Variants in NCOA7 observed in about 807,000 individuals in gnomAD.
NCOA7 encodes the protein 140 kDa estrogen receptor-associated protein.
In NCOA7, 45 loss-of-function variants were observed where a neutral mutation model predicts 104.3. That is an observed-to-expected ratio of 0.43 (90% confidence interval 0.34 to 0.55). The LOEUF is 0.55. NCOA7 is among the 20% of genes least tolerant of loss of function. NCOA7 has a pLI of 0.02. For missense variants in NCOA7, 1,041 were observed against 1,119.7 expected, an observed-to-expected ratio of 0.93 and a Z score of 1.00; for synonymous variants, 398 against 402.3, an observed-to-expected ratio of 0.99 and a Z score of 0.13.
intron 1 of NCOA7, among the ~76,000 whole-genome samples, chr6:125,804,363 A>G (rs1776212658): frequency 6.6e-6 from 1 of 152,180 alleles, no homozygotes; most frequent in African/African-American, 2.4e-5. Context: ...GCCACAGCAT[A>G]GTAGGGGGTA....
chr6:125,857,446 T>C (rs528473810), intron 3 of NCOA7, among the ~76,000 whole-genome samples: 3 of 151,906 alleles, frequency 2.0e-5, no homozygotes, highest in South Asian at 4.2e-4. Flanking sequence ...TATATATTTT[T>C]TTTTTTAAGA....
At chr6:125,860,719 T>C (rs1033200301) in intron 3 of NCOA7, among the ~76,000 whole-genome samples, 1 of 152,222 alleles carries the variant, frequency 6.6e-6, no homozygotes, top group Non-Finnish European at 1.5e-5. Flanking sequence ...CTTCTAAGAA[T>C]ATGGAGATAG....
intron 4 of NCOA7, among the ~76,000 whole-genome samples, chr6:125,876,315 A>G (rs561212036): frequency 5.1e-4 from 78 of 152,194 alleles, no homozygotes; most frequent in Non-Finnish European, 8.2e-4. Context: ...GTGTATAAGC[A>G]TAGTCATTTT....
chr6:125,800,333 A>G (rs1051308137), intron 1 of NCOA7, among the ~76,000 whole-genome samples: 3 of 152,270 alleles, frequency 2.0e-5, no homozygotes, highest in African/African-American at 4.8e-5. Context: ...ATGAAGGTAC[A>G]GAAAGAAATT....
intron 2 of NCOA7, among the ~76,000 whole-genome samples, chr6:125,822,497 C>A (rs187151060): frequency 1.3e-5 from 2 of 152,264 alleles, no homozygotes; most frequent in East Asian, 3.9e-4. Context: ...ATAACTTACC[C>A]CAAATCACTT....
At chr6:125,781,578 G>C (rs548965431) in intron 1 of NCOA7, among the ~76,000 whole-genome samples, 3 of 152,208 alleles carry the variant, frequency 2.0e-5, no homozygotes, top group African/African-American at 7.2e-5. Flanking sequence ...CCTATCCCAA[G>C]GAATCTTAGA....
chr6:125,784,971 G>T (rs1202453806), intron 1 of NCOA7, among the ~76,000 whole-genome samples: 1 of 147,948 alleles, frequency 6.8e-6, no homozygotes, highest in Non-Finnish European at 1.5e-5. Flanking sequence ...TACAAGATAT[G>T]ATAATGTTGC....
chr6:125,931,554 AAGGACTTGGGTGGG>A lies in NCOA7; in HGVS notation c.*2788_*2801del, dbSNP rs1279584394. 5 of 152,148 alleles carry A rather than the reference AAGGACTTGGGTGGG, an allele frequency of 3.3e-5. No homozygotes were observed. The highest frequency in any genetic ancestry group is 3.3e-4 in the Admixed American group (5 of 15,268). The allele number at this position is 152,148 out of a possible 1,614,324, so 9.4% of individuals were successfully genotyped here. A position where few individuals can be genotyped will look rare whatever the true frequency, so the allele number is the denominator to read the frequency against. ...TTCCTCAGTTCATAAGTCCATATCA[AAGGACTTGGGTGGG>A]AGGAGGCAACCAAATGTTTCTTCAG... On this transcript the variant is annotated 3_prime_UTR_variant, in exon 16 of 16. Transcript: ENST00000392477.
chr6:125,855,976 C>A lies in NCOA7; in HGVS notation c.271+736C>A, dbSNP rs936403953. ...ATGAGTCCATAGTGTTATATAGTTT[C>A]TCAGAATAACCCGTGCATCTGAAAC... On this transcript the variant is annotated intron_variant, in intron 3 of 15. Coordinates refer to ENST00000392477, the MANE Select transcript of NCOA7 (RefSeq NM_181782.5). Among the ~76,000 whole-genome samples, 4 of 152,276 alleles carry A rather than the reference C, an allele frequency of 2.6e-5. No homozygotes were observed. In the East Asian group the frequency reaches 7.7e-4, roughly 29 times the overall value.
intron 12 of NCOA7, among the ~76,000 whole-genome samples, chr6:125,921,567 T>C (rs55938237): frequency 7.9e-5 from 12 of 152,276 alleles, no homozygotes; most frequent in Admixed American, 5.9e-4. Flanking sequence ...TTCTTAGTAG[T>C]ATGAGGAGTT....
At chr6:125,906,508 A>G (rs1053193170) in intron 10 of NCOA7, among the ~76,000 whole-genome samples, 3 of 152,186 alleles carry the variant, frequency 2.0e-5, no homozygotes, top group East Asian at 3.9e-4. Context: ...CATCATCCCA[A>G]GAGAAGAGCT....
intron 3 of NCOA7, among the ~76,000 whole-genome samples, chr6:125,857,465 T>C (rs1781662507): frequency 6.6e-6 from 1 of 151,478 alleles, no homozygotes; most frequent in African/African-American, 2.4e-5. Flanking sequence ...GAGAGAAAGA[T>C]GGGGTTCTCA....
At chr6:125,920,381 A>G (rs780170478) in intron 11 of NCOA7, among the ~76,000 whole-genome samples, 6 of 152,234 alleles carry the variant, frequency 3.9e-5, no homozygotes, top group Non-Finnish European at 5.9e-5. Flanking sequence ...CTCCCTATTT[A>G]TAGAAGACTT....
intron 2 of NCOA7, among the ~76,000 whole-genome samples, chr6:125,823,525 A>G (rs1192760284): frequency 6.6e-6 from 1 of 152,164 alleles, no homozygotes; most frequent in Non-Finnish European, 1.5e-5. Context: ...GTATTTTCTC[A>G]TTTGAGTTCA....
intron 11 of NCOA7, chr6:125,919,372 T>C (rs1191981446): frequency 1.2e-6 from 2 of 1,612,830 alleles, no homozygotes; most frequent in African/African-American, 1.3e-5. Flanking sequence ...AGGCCAAAGA[T>C]TACCCTTGGA....
upstream of NCOA7, among the ~76,000 whole-genome samples, chr6:125,789,770 GA>G (rs1774658783): frequency 6.6e-6 from 1 of 152,230 alleles, no homozygotes; most frequent in Admixed American, 6.5e-5. Context: ...CCGCCTTCCA[GA>G]GAGGTTATTA....
intron 10 of NCOA7, among the ~76,000 whole-genome samples, chr6:125,893,668 T>C (rs1784787857): frequency 6.6e-6 from 1 of 152,146 alleles, no homozygotes. Context: ...GTTAATCTCC[T>C]TTGTTTTGGG....
chr6:125,896,319 T>G (rs959043518), intron 10 of NCOA7, among the ~76,000 whole-genome samples: 1 of 152,106 alleles, frequency 6.6e-6, no homozygotes, highest in African/African-American at 2.4e-5. Context: ...TCCAGATGCT[T>G]GGAACACTGA....
chr6:125,839,811 G>A (rs916174698), intron 2 of NCOA7, among the ~76,000 whole-genome samples: 51 of 152,086 alleles, frequency 3.4e-4, no homozygotes, highest in African/African-American at 1.2e-3. Flanking sequence ...TGATGCTGGT[G>A]TAAACAAACC....
Sources: allele counts gnomAD v4.1 joint callset (sites outside exome capture counted in the v4.1 genomes callset), GRCh38; gene constraint gnomAD v4.1.1; transcripts MANE v1.5; gene names NCBI Gene and HGNC (gene_info 2026-07-23, HGNC 2026-07-21).